The following UBR3 variants were observed in gnomAD, a reference collection of about 807,000 sequenced individuals.
UBR3 encodes ubiquitin protein ligase E3 component n-recognin 3.
A neutral mutation model predicts 243.2 loss-of-function variants in UBR3; 85 were observed. The observed-to-expected ratio is 0.35, with a 90% CI of 0.29 to 0.42. The LOEUF (loss-of-function observed/expected upper bound fraction) is 0.42. UBR3 is among the 10% of genes least tolerant of loss of function. UBR3 has a pLI of 1.00. For missense variants in UBR3, 1,686 were observed against 2,300.8 expected (o/e 0.73, Z 5.47); for synonymous variants, 748 against 799.8 (o/e 0.94, Z 1.09).
intron 35 of UBR3, among the ~76,000 whole-genome samples, chr2:170,072,487 G>A (rs142257346): frequency 0.016 from 2,439 of 152,024 alleles, 45 homozygotes; most frequent in Middle Eastern, 0.031. Flanking sequence ...ACGAGTTAAT[G>A]GGTACAGCAC....
At chr2:169,989,961 C>T (rs1241853589) in intron 25 of UBR3, among the ~76,000 whole-genome samples, 1 of 152,068 alleles carries the variant, frequency 6.6e-6, no homozygotes, top group African/African-American at 2.4e-5. Context: ...TGGCAAGTTA[C>T]AATAAATTTA....
At chr2:169,936,253 T>C (rs2086323988) in intron 19 of UBR3, among the ~76,000 whole-genome samples, 1 of 151,998 alleles carries the variant, frequency 6.6e-6, no homozygotes, top group Non-Finnish European at 1.5e-5. Context: ...GAGATGGGGT[T>C]TCTCCATGTT....
intron 31 of UBR3, 122 bp downstream of exon 31, chr2:170,029,570 G>A (rs2090617021): frequency 1.4e-6 from 1 of 705,724 alleles, no homozygotes; most frequent in Non-Finnish European, 2.2e-6. Context: ...ATGAAGCACA[G>A]AAATATATCA....
chr2:169,987,307 C>T (rs983881306), intron 25 of UBR3, among the ~76,000 whole-genome samples: 2 of 149,650 alleles, frequency 1.3e-5, no homozygotes, highest in South Asian at 4.2e-4. Flanking sequence ...GCAGGAGAAT[C>T]GCTGGAACCT....
chr2:169,916,952 C>T (rs1269546694), intron 11 of UBR3, among the ~76,000 whole-genome samples: 1 of 152,106 alleles, frequency 6.6e-6, no homozygotes, highest in African/African-American at 2.4e-5. Flanking sequence ...CTCTCAGTTT[C>T]CTAACCTTTA....
chr2:169,904,993 A>G lies in UBR3; in HGVS notation c.1466-121A>G, dbSNP rs1453275296. 4 of 751,884 alleles carry G rather than the reference A, an allele frequency of 5.3e-6. No individual in the cohort carries two copies. In the East Asian group the frequency reaches 1.3e-4, roughly 25 times the overall value. The allele number at this position is 751,884 out of a possible 1,614,324, so 46.6% of individuals were successfully genotyped here. A position where few individuals can be genotyped will look rare whatever the true frequency, so the allele number is the denominator to read the frequency against. On this transcript the variant is annotated intron_variant, in intron 8 of 38. Coordinates refer to ENST00000272793, the MANE Select transcript of UBR3 (RefSeq NM_172070.4). Reference sequence around the variant, plus strand: ...GTGCCTAAAGCCATATAGGTATTAAATGGAAGGCTGGGGTTTGAATTTAGG... The same window carrying G: ...GTGCCTAAAGCCATATAGGTATTAAGTGGAAGGCTGGGGTTTGAATTTAGG...
At chr2:169,998,846 G>C (rs1206327434) in intron 26 of UBR3, among the ~76,000 whole-genome samples, 2 of 152,194 alleles carry the variant, frequency 1.3e-5, no homozygotes, top group African/African-American at 4.8e-5. Flanking sequence ...TGTGGAGTCA[G>C]ACAGACTTGG....
Position 169,920,369 on chromosome 2 carries a change from T to C in UBR3, c.1867-3560T>C, listed in dbSNP as rs1015626455. On this transcript the variant is annotated intron_variant, in intron 11 of 38. Transcript: ENST00000272793. Reference sequence around the variant, plus strand: ...ATTAGGAGATATACCTAATGTTAAATGAAGAGTTAATGGGTGCAGCACACC... The same window carrying C: ...ATTAGGAGATATACCTAATGTTAAACGAAGAGTTAATGGGTGCAGCACACC... Among the ~76,000 whole-genome samples, 3 of 152,138 alleles carry C rather than the reference T, an allele frequency of 2.0e-5. No individual in the cohort carries two copies. The East Asian group carries it at 5.8e-4, about 29-fold the overall frequency.
intron 1 of UBR3, among the ~76,000 whole-genome samples, chr2:169,855,096 T>A (rs2082790995): frequency 6.6e-6 from 1 of 152,194 alleles, no homozygotes; most frequent in East Asian, 1.9e-4. Context: ...TTCCTCCAGG[T>A]TGACTCATCT....
intron 7 of UBR3, among the ~76,000 whole-genome samples, chr2:169,896,192 G>A (rs1458165146): frequency 6.6e-6 from 1 of 152,146 alleles, no homozygotes; most frequent in Non-Finnish European, 1.5e-5. Flanking sequence ...GGAGGCTGAG[G>A]CAGGAGAATT....
chr2:170,001,938 A>AAAAAAAAAAAAAAAAAAG (rs1559175182), intron 27 of UBR3, among the ~76,000 whole-genome samples: 2 of 130,044 alleles, frequency 1.5e-5, no homozygotes, highest in African/African-American at 6.7e-5. Flanking sequence ...AAAAAAAAAA[A>AAAAAAAAAAAAAAAAAAG]AAAAGAAAGA....
At chr2:169,891,667 G>A (rs139363763) in intron 6 of UBR3, among the ~76,000 whole-genome samples, 2 of 150,456 alleles carry the variant, frequency 1.3e-5, no homozygotes, top group African/African-American at 4.9e-5. Flanking sequence ...TACTTAACAC[G>A]TCATAAAGGC....
At chr2:169,907,336 T>C (rs1172059971) in intron 10 of UBR3, among the ~76,000 whole-genome samples, 3 of 152,200 alleles carry the variant, frequency 2.0e-5, no homozygotes, top group Non-Finnish European at 4.4e-5. Flanking sequence ...TTTTAAAAAC[T>C]ATCTGTCCAT....
intron 19 of UBR3, among the ~76,000 whole-genome samples, chr2:169,937,848 A>G (rs1195143738): frequency 6.6e-6 from 1 of 152,114 alleles, no homozygotes; most frequent in African/African-American, 2.4e-5. Flanking sequence ...CTTGTGTTAG[A>G]TCTTTCTTTT....
intron 10 of UBR3, among the ~76,000 whole-genome samples, chr2:169,912,415 T>G (rs895356230): frequency 6.6e-6 from 1 of 152,206 alleles, no homozygotes; most frequent in African/African-American, 2.4e-5. Flanking sequence ...TCAACCTTTA[T>G]AAATCTACCT....
Position 170,083,811 on chromosome 2 carries a change from C to T in UBR3, c.*1968C>T, listed in dbSNP as rs1201904602. The T allele has an allele frequency of 1.3e-5, 2 of 152,544 alleles. No homozygotes were observed. Among genetic ancestry groups the T allele is most frequent in the African/African-American group, 2.4e-5 (1 of 41,432 alleles). The allele number at this position is 152,544 out of a possible 1,614,324, so 9.4% of individuals were successfully genotyped here. On this transcript the variant is annotated 3_prime_UTR_variant, in exon 39 of 39. Coordinates refer to ENST00000272793, the MANE Select transcript of UBR3 (RefSeq NM_172070.4). ...GTCACCAGTAAATTTTAAAAAAGCACTTGGTTGAAAATTGTACTTGAATAC... is the reference window on the plus strand; with the variant it reads ...GTCACCAGTAAATTTTAAAAAAGCATTTGGTTGAAAATTGTACTTGAATAC...
intron 3 of UBR3, among the ~76,000 whole-genome samples, chr2:169,876,237 C>T (rs1393049204): frequency 4.0e-5 from 6 of 151,730 alleles, no homozygotes; most frequent in African/African-American, 7.3e-5. Flanking sequence ...CCCGCCACTA[C>T]GCCCAGCTAA....
chr2:169,990,021 G>T (rs1256200714), intron 25 of UBR3, among the ~76,000 whole-genome samples: 1 of 152,124 alleles, frequency 6.6e-6, no homozygotes, highest in East Asian at 1.9e-4. Context: ...AGAAGCATTA[G>T]TTCCTTTTTA....
intron 24 of UBR3, among the ~76,000 whole-genome samples, chr2:169,985,016 TAAA>T (rs35605936): frequency 6.8e-6 from 1 of 147,782 alleles, no homozygotes; most frequent in Non-Finnish European, 1.5e-5. Flanking sequence ...CAAGACTTAT[TAAA>T]AAAAAAAAGA....
Sources: allele counts gnomAD v4.1 joint callset (sites outside exome capture counted in the v4.1 genomes callset), GRCh38; gene constraint gnomAD v4.1.1; transcripts MANE v1.5; gene names NCBI Gene and HGNC (gene_info 2026-07-23, HGNC 2026-07-21).